The following B3GLCT variants were observed in gnomAD, a reference collection of about 807,000 sequenced individuals.
B3GLCT encodes beta-1,3-glucosyltransferase.
In B3GLCT, 65 loss-of-function variants were observed where a neutral mutation model predicts 63.4. That is an observed-to-expected ratio of 1.03 (90% CI 0.84 to 1.26). The LOEUF (loss-of-function observed/expected upper bound fraction) is 1.26. Among genes scored for constraint, B3GLCT ranks in the 50% most tolerant of loss-of-function variants. The probability of loss-of-function intolerance (pLI) is 0.00; values close to 1 mark genes in which losing one functional copy is unlikely to be tolerated. For synonymous variants in B3GLCT, 233 were observed against 219.2 expected (o/e 1.06, Z -0.55); for missense variants, 577 against 604.8 (o/e 0.95, Z 0.48).
chr13:31,239,358 A>G (rs1212371350), intron 4 of B3GLCT, among the ~76,000 whole-genome samples: 2 of 152,126 alleles, frequency 1.3e-5, no homozygotes, highest in African/African-American at 4.8e-5. Context: ...GAGACTGACT[A>G]TTTAAAGAGG....
intron 1 of B3GLCT, among the ~76,000 whole-genome samples, chr13:31,208,201 TG>T (rs1869064337): frequency 6.6e-6 from 1 of 152,086 alleles, no homozygotes; most frequent in African/African-American, 2.4e-5. Context: ...ATCTTTCTGT[TG>T]TACAGTGCAG....
intron 4 of B3GLCT, 45 bp from the exon 5 acceptor site, chr13:31,246,978 G>A: frequency 9.1e-7 from 1 of 1,098,038 alleles, no homozygotes; most frequent in Non-Finnish European, 1.3e-6. Flanking sequence ...CTTTTTTTCG[G>A]AGTAGTCAAT....
At chr13:31,246,116 A>G (rs1386830608) in intron 4 of B3GLCT, among the ~76,000 whole-genome samples, 2 of 152,224 alleles carry the variant, frequency 1.3e-5, no homozygotes, top group East Asian at 3.8e-4. Flanking sequence ...GTAATGTTTC[A>G]GATACTTAGG....
intron 14 of B3GLCT, among the ~76,000 whole-genome samples, chr13:31,325,550 G>A (rs926269408): frequency 1.3e-5 from 2 of 152,186 alleles, no homozygotes; most frequent in Non-Finnish European, 2.9e-5. Context: ...GTCCTTTGAA[G>A]ATAATTTTTT....
intron 12 of B3GLCT, among the ~76,000 whole-genome samples, chr13:31,301,638 G>T (rs1255944796): frequency 6.6e-6 from 1 of 152,164 alleles, no homozygotes; most frequent in Non-Finnish European, 1.5e-5. Flanking sequence ...TGGGTCCCCA[G>T]CCTGGAGTCC....
intron 10 of B3GLCT, among the ~76,000 whole-genome samples, chr13:31,279,334 A>G (rs1306955742): frequency 6.6e-6 from 1 of 151,696 alleles, no homozygotes. Flanking sequence ...TTAGTGGGGG[A>G]AACCAGCCCC....
chr13:31,248,963 C>A (rs1364152785), intron 6 of B3GLCT, among the ~76,000 whole-genome samples: 3 of 152,150 alleles, frequency 2.0e-5, no homozygotes. Context: ...AGGAAAGAAG[C>A]CCAGGTTACA....
At chr13:31,325,355 G>A (rs1274132118) in intron 14 of B3GLCT, among the ~76,000 whole-genome samples, 2 of 152,144 alleles carry the variant, frequency 1.3e-5, no homozygotes, top group Non-Finnish European at 2.9e-5. Flanking sequence ...CTCTTGCTCT[G>A]TCTCATGGTG....
chr13:31,228,945 GC>G (rs1193243078), intron 3 of B3GLCT, among the ~76,000 whole-genome samples: 1 of 152,174 alleles, frequency 6.6e-6, no homozygotes, highest in African/African-American at 2.4e-5. Flanking sequence ...TCAGTTTGGT[GC>G]CATAGACTGG....
Position 31,317,584 on chromosome 13 carries a change from C to T in B3GLCT, c.1083C>T (p.His361=), listed in dbSNP as rs772935376. Residue 361 remains histidine, a synonymous_variant, in exon 13 of 15, where the codon CAC becomes CAT. Transcript: ENST00000343307. ...DTLISISRLQ[H]LLSCYDSGEP... is the part of the protein sequence containing the mutation. ...ATCTCAGTATCTCCAGGCTCCAGCA[C>T]TTGCTTAGCTGTTATGACTCCGGCG... 1.2e-6 allele frequency: 2 copies of T among 1,614,056 alleles called. No homozygotes were observed. The highest frequency in any genetic ancestry group is 1.7e-6 in the Non-Finnish European group (2 of 1,179,966).
In B3GLCT at chr13:31,215,090, A is replaced by G. The variant is rs764906324; in HGVS notation, c.110A>G (p.Lys37Arg). Residue 37 changes from lysine (K) to arginine (R), a missense_variant, in exon 2 of 15, where the codon AAG becomes AGG. Coordinates refer to ENST00000343307, the MANE Select transcript of B3GLCT (RefSeq NM_194318.4). ...LASEDTKKEV[K>R]QSQDLEKSGI... ...TCTGAAGATACAAAGAAAGAGGTCA[A>G]GCAGTCTCAGGTACTAATCCCAATG... The G allele has an allele frequency of 6.2e-7, 1 of 1,611,580 alleles. No individual in the cohort carries two copies. The highest frequency in any genetic ancestry group is 1.1e-5 in the South Asian group (1 of 90,858).
rs183437891 is a variant in B3GLCT, at chr13:31,247,294, T to A, written c.347+195T>A. Among the ~76,000 whole-genome samples, 276 of 152,296 alleles carry A rather than the reference T, an allele frequency of 1.8e-3. 1 individual carries two copies. The highest frequency in any genetic ancestry group is 3.9e-3 in the South Asian group (19 of 4,828). On this transcript the variant is annotated intron_variant, in intron 5 of 14. Transcript: ENST00000343307. Reference sequence around the variant, plus strand: ...TTAATCATGAATAGCTTTTTCTTTTTTTTTGGAGACAGAGTCTCGCTCTGT... The same window carrying A: ...TTAATCATGAATAGCTTTTTCTTTTATTTTGGAGACAGAGTCTCGCTCTGT...
intron 8 of B3GLCT, among the ~76,000 whole-genome samples, chr13:31,273,711 A>T (rs532514866): frequency 2.0e-5 from 3 of 152,180 alleles, no homozygotes; most frequent in Non-Finnish European, 2.9e-5. Flanking sequence ...AAGGATTTAC[A>T]TTAGCTTCTG....
chr13:31,232,784 A>G (rs1327297163), intron 4 of B3GLCT, among the ~76,000 whole-genome samples: 1 of 152,170 alleles, frequency 6.6e-6, no homozygotes, highest in Non-Finnish European at 1.5e-5. Context: ...TCTATTGTAT[A>G]CTTTTCATTG....
chr13:31,299,372 C>T (rs1874114039), intron 12 of B3GLCT, among the ~76,000 whole-genome samples: 1 of 152,096 alleles, frequency 6.6e-6, no homozygotes, highest in Non-Finnish European at 1.5e-5. Flanking sequence ...CAAATCCATG[C>T]AATATCTTCT....
At chr13:31,325,869 C>T (rs980514659) in intron 14 of B3GLCT, among the ~76,000 whole-genome samples, 2 of 152,198 alleles carry the variant, frequency 1.3e-5, no homozygotes, top group Non-Finnish European at 2.9e-5. Context: ...GAAGCAGTCT[C>T]ATATGCAAAA....
At chr13:31,251,185 G>A (rs941911147) in intron 6 of B3GLCT, among the ~76,000 whole-genome samples, 8 of 152,152 alleles carry the variant, frequency 5.3e-5, no homozygotes, top group Non-Finnish European at 7.3e-5. Flanking sequence ...CAAAAAGGAC[G>A]TCCACTCAGA....
chr13:31,320,713 C>T (rs1372326245), intron 13 of B3GLCT, among the ~76,000 whole-genome samples: 1 of 151,332 alleles, frequency 6.6e-6, no homozygotes, highest in Non-Finnish European at 1.5e-5. Context: ...TGCTGTTTTA[C>T]CTTTCTAGCC....
chr13:31,323,987 G>T, intron 14 of B3GLCT, 92 bp downstream of exon 14: 3 of 1,476,732 alleles, frequency 2.0e-6, no homozygotes, highest in Non-Finnish European at 2.8e-6. Context: ...CACATATTCG[G>T]GAAACAGACT....
Sources: allele counts gnomAD v4.1 joint callset (sites outside exome capture counted in the v4.1 genomes callset), GRCh38; gene constraint gnomAD v4.1.1; transcripts MANE v1.5; gene names NCBI Gene and HGNC (gene_info 2026-07-23, HGNC 2026-07-21).